Variants in ADAMTSL3 observed in about 807,000 individuals in gnomAD.
ADAMTSL3 encodes ADAMTS like 3.
A neutral mutation model predicts 201.7 loss-of-function variants in ADAMTSL3; 128 were observed. That is an observed-to-expected ratio of 0.63 (90% confidence interval 0.55 to 0.73). The LOEUF (loss-of-function observed/expected upper bound fraction) is 0.73, where lower values mean the gene tolerates loss of function less well. Among genes scored for constraint, ADAMTSL3 ranks in the 30% least tolerant of loss-of-function variants. The pLI is 0.00. For missense variants in ADAMTSL3, 1,990 were observed against 2,119.6 expected (o/e 0.94, Z 1.20); for synonymous variants, 738 against 748.4 (o/e 0.99, Z 0.23).
intron 3 of ADAMTSL3, among the ~76,000 whole-genome samples, chr15:83,751,956 C>T (rs1217932172): frequency 1.3e-5 from 2 of 152,162 alleles, no homozygotes; most frequent in African/African-American, 4.8e-5. Context: ...TGAAAAGATT[C>T]TGCATCATAA....
intron 2 of ADAMTSL3, among the ~76,000 whole-genome samples, chr15:83,658,562 C>A (rs941236840): frequency 6.6e-6 from 1 of 152,202 alleles, no homozygotes; most frequent in Admixed American, 6.5e-5. Context: ...GCTCACTGTT[C>A]CCCTCATCCA....
At chr15:83,704,269 C>T in intron 2 of ADAMTSL3, 120 bp from the exon 3 acceptor site, 1 of 1,465,794 alleles carries the variant, frequency 6.8e-7, no homozygotes, top group Non-Finnish European at 9.3e-7. Context: ...GGTCACTTCC[C>T]TTTTTGTTTC....
At chr15:83,862,049 GA>G (rs1182433356) in intron 8 of ADAMTSL3, 1 of 152,120 alleles carries the variant, frequency 6.6e-6, no homozygotes, top group Non-Finnish European at 1.5e-5. Flanking sequence ...GAAATGAAGC[GA>G]AAAGAGAAGT....
intron 3 of ADAMTSL3, among the ~76,000 whole-genome samples, chr15:83,770,538 A>T (rs1049295989): frequency 1.3e-5 from 2 of 152,210 alleles, no homozygotes; most frequent in Non-Finnish European, 2.9e-5. Context: ...AAAATGATAT[A>T]TGTGTTTTTA....
intron 5 of ADAMTSL3, among the ~76,000 whole-genome samples, chr15:83,810,033 G>A (rs886992647): frequency 6.6e-6 from 1 of 152,084 alleles, no homozygotes; most frequent in African/African-American, 2.4e-5. Context: ...CATATTTGCA[G>A]TCCATTTCTA....
At chr15:83,991,327 A>G (rs2067578742) in intron 23 of ADAMTSL3, 113 bp downstream of exon 23, 1 of 1,485,112 alleles carries the variant, frequency 6.7e-7, no homozygotes. Context: ...TCAGCCTGAT[A>G]GGCTTAAAAA....
chr15:83,739,854 A>C (rs2062427342), intron 3 of ADAMTSL3: 3 of 600,056 alleles, frequency 5.0e-6, no homozygotes, highest in East Asian at 4.5e-5. Context: ...TGGGAGTTCT[A>C]CTGCCTGGAA....
intron 2 of ADAMTSL3, among the ~76,000 whole-genome samples, chr15:83,703,504 G>C (rs2061803745): frequency 6.6e-6 from 1 of 152,044 alleles, no homozygotes; most frequent in African/African-American, 2.4e-5. Flanking sequence ...TTGAATCATA[G>C]GGACAGTTTC....
chr15:83,942,153 A>C (rs1028336914), intron 17 of ADAMTSL3, among the ~76,000 whole-genome samples: 1 of 152,242 alleles, frequency 6.6e-6, no homozygotes, highest in Admixed American at 6.5e-5. Context: ...ATCCAATCCT[A>C]ACATTAAAGA....
intron 9 of ADAMTSL3, among the ~76,000 whole-genome samples, chr15:83,880,753 T>C (rs534064612): frequency 5.3e-5 from 8 of 152,292 alleles, no homozygotes; most frequent in Admixed American, 2.6e-4. Context: ...GTTATAATCA[T>C]AGGAATAGCA....
At chr15:83,900,596 G>A (rs148035232) in intron 15 of ADAMTSL3, among the ~76,000 whole-genome samples, 24 of 152,338 alleles carry the variant, frequency 1.6e-4, no homozygotes, top group African/African-American at 5.5e-4. Context: ...GAGCATCAGA[G>A]GAAAAGGGGT....
intron 7 of ADAMTSL3, among the ~76,000 whole-genome samples, chr15:83,849,211 C>T (rs181022614): frequency 1.3e-5 from 2 of 152,298 alleles, no homozygotes; most frequent in Admixed American, 1.3e-4. Flanking sequence ...ACTGCAGCCT[C>T]GACCTTCTGG....
intron 2 of ADAMTSL3, among the ~76,000 whole-genome samples, chr15:83,695,305 G>T (rs1184785588): frequency 4.1e-5 from 1 of 24,614 alleles, no homozygotes; most frequent in Admixed American, 4.2e-4. Context: ...GAGAGAGGGA[G>T]AGAGAAAATT....
chr15:84,001,118 A>G (rs927028899), intron 23 of ADAMTSL3, among the ~76,000 whole-genome samples: 2 of 152,222 alleles, frequency 1.3e-5, no homozygotes, highest in Admixed American at 6.5e-5. Context: ...AAAGCCTGCC[A>G]GTCACTCAAG....
At chr15:83,967,297 A>G (rs973063492) in intron 19 of ADAMTSL3, among the ~76,000 whole-genome samples, 6 of 152,214 alleles carry the variant, frequency 3.9e-5, no homozygotes, top group African/African-American at 1.4e-4. Context: ...CTTAGCCCAA[A>G]ATCTCCTTAT....
intron 7 of ADAMTSL3, among the ~76,000 whole-genome samples, chr15:83,847,552 A>G (rs183765498): frequency 2.0e-5 from 3 of 150,718 alleles, no homozygotes; most frequent in East Asian, 2.0e-4. Flanking sequence ...CTGGAGTGCA[A>G]TGGTGCAATC....
intron 23 of ADAMTSL3, among the ~76,000 whole-genome samples, chr15:83,999,981 A>G (rs1344889273): frequency 3.9e-5 from 6 of 152,144 alleles, no homozygotes; most frequent in Non-Finnish European, 8.8e-5. Context: ...TCCCCTATCA[A>G]CTGCTAGTTT....
rs765254251 is a variant in ADAMTSL3 at position 83,885,155 on chromosome 15, A to G, written c.1015A>G (p.Ile339Val). Reference sequence around the variant, plus strand: ...GGTTCAGTTCTTCTTTTACCAGCCCATCAGTCATCAGTGGAGACAAACTGA... The same window carrying G: ...GGTTCAGTTCTTCTTTTACCAGCCCGTCAGTCATCAGTGGAGACAAACTGA... ...SVVQFFFYQP[I>V]SHQWRQTDFF... Residue 339 changes from isoleucine to valine, a missense_variant, in exon 10 of 30, where the codon ATC becomes GTC. Ile to Val is a conservative substitution (Grantham distance 29). Transcript: ENST00000286744. 4.3e-6 allele frequency: 7 copies of G among 1,614,038 alleles called. No homozygotes were observed. In the East Asian group the frequency reaches 6.7e-5, roughly 15 times the overall value.
At chr15:83,941,457 G>A (rs1490732088) in intron 17 of ADAMTSL3, among the ~76,000 whole-genome samples, 1 of 151,834 alleles carries the variant, frequency 6.6e-6, no homozygotes, top group East Asian at 1.9e-4. Flanking sequence ...ATCATCACTG[G>A]CAACATTTTA....
Sources: gnomAD v4.1 joint callset for allele counts (sites outside exome capture counted in the v4.1 genomes callset) on GRCh38, gnomAD v4.1.1 for gene constraint, MANE v1.5 for transcripts, NCBI Gene and HGNC (gene_info 2026-07-23, HGNC 2026-07-21) for gene names.